EYS: variants seen among roughly 807,000 people sequenced by gnomAD.
The protein encoded by EYS is EGF-like photoreceptor maintenance factor, also known as protein eyes shut homolog.
In EYS, 250 loss-of-function variants were observed where a neutral mutation model predicts 282.1. The ratio of observed to expected loss-of-function variants is 0.89; its 90% confidence interval spans 0.80 to 0.98. The LOEUF is 0.98. Ranked by LOEUF, EYS falls within the 50% of genes least tolerant of loss-of-function variation. The probability of loss-of-function intolerance (pLI) is 0.00; values close to 1 mark genes in which losing one functional copy is unlikely to be tolerated. For missense variants in EYS, 4,016 were observed against 3,709.0 expected, an observed-to-expected ratio of 1.08 and a Z score of -2.15; for synonymous variants, 1,355 against 1,282.9, an observed-to-expected ratio of 1.06 and a Z score of -1.20.
chr6:65,122,921 A>G (rs16896316), intron 12 of EYS, among the ~76,000 whole-genome samples: 30,795 of 152,030 alleles, frequency 0.2, 3,405 homozygotes, highest in African/African-American at 0.26. Context: ...CCATTTATTC[A>G]GTAATATTTG....
At chr6:64,167,669 C>T (rs1322237154) in intron 31 of EYS, among the ~76,000 whole-genome samples, 1 of 151,862 alleles carries the variant, frequency 6.6e-6, no homozygotes, top group Non-Finnish European at 1.5e-5. Context: ...TATATATGCA[C>T]ATATATCTGC....
chr6:63,740,714 T>A (rs1652971740), intron 41 of EYS, among the ~76,000 whole-genome samples: 1 of 152,222 alleles, frequency 6.6e-6, no homozygotes, highest in Non-Finnish European at 1.5e-5. Flanking sequence ...CATAGATAGT[T>A]GATACTTTTA....
chr6:65,145,614 AT>A (rs1409061666), intron 12 of EYS, among the ~76,000 whole-genome samples: 12 of 152,016 alleles, frequency 7.9e-5, no homozygotes, highest in African/African-American at 2.4e-4. Context: ...TCAATACATA[AT>A]GGCAATGTCA....
At chr6:65,153,165 A>G (rs779090344) in intron 12 of EYS, among the ~76,000 whole-genome samples, 2 of 151,870 alleles carry the variant, frequency 1.3e-5, no homozygotes, top group Non-Finnish European at 2.9e-5. Context: ...AATGCAAGCT[A>G]CCATATTATA....
At chr6:65,666,866 A>G (rs181638797) in intron 1 of EYS, among the ~76,000 whole-genome samples, 30 of 150,996 alleles carry the variant, frequency 2.0e-4, no homozygotes, top group Admixed American at 9.2e-4. Context: ...TACTCTTGAA[A>G]AATACATAAA....
chr6:64,458,329 TATCTTTAGCATTTC>T (rs1407337659), intron 26 of EYS, among the ~76,000 whole-genome samples: 1 of 152,146 alleles, frequency 6.6e-6, no homozygotes, highest in Admixed American at 6.5e-5. Context: ...CTTGAAGAAC[TATCTTTAGCATTTC>T]ATCTAAAACA....
In EYS at chr6:65,240,151, G is replaced by A. The variant is rs190492303; in HGVS notation, c.2023+55712C>T. Among the ~76,000 whole-genome samples the A allele has an allele frequency of 2.6e-5, 4 of 152,046 alleles. No individual in the cohort carries two copies. The East Asian group carries it at 7.8e-4, about 29-fold the overall frequency. ...ACCCAGCTAATTTTTTGTATTTTTA[G>A]TAGAGACGGGGTTTCACCATGTTAG... On this transcript the variant is annotated intron_variant, in intron 12 of 42. Coordinates refer to ENST00000503581, the MANE Select transcript of EYS (RefSeq NM_001142800.2).
At chr6:65,475,826 A>G (rs1765384230) in intron 5 of EYS, among the ~76,000 whole-genome samples, 1 of 151,822 alleles carries the variant, frequency 6.6e-6, no homozygotes, top group African/African-American at 2.4e-5. Flanking sequence ...CACTTTTCCC[A>G]GCTTTCTCTT....
At chr6:65,326,212 C>A (rs1328848169) in intron 11 of EYS, among the ~76,000 whole-genome samples, 1 of 151,690 alleles carries the variant, frequency 6.6e-6, no homozygotes, top group Non-Finnish European at 1.5e-5. Context: ...CCTTTAATTG[C>A]TTCTCAATCT....
intron 40 of EYS, among the ~76,000 whole-genome samples, chr6:63,775,679 C>A (rs944928528): frequency 6.6e-6 from 1 of 151,986 alleles, no homozygotes; most frequent in African/African-American, 2.4e-5. Context: ...AAGTATATTA[C>A]AAAGCACAAT....
intron 2 of EYS, among the ~76,000 whole-genome samples, chr6:65,560,966 T>C (rs866092754): frequency 9.2e-5 from 14 of 152,098 alleles, no homozygotes; most frequent in African/African-American, 2.7e-4. Flanking sequence ...ATTGGTACTT[T>C]GTTATTTTTT....
intron 22 of EYS, among the ~76,000 whole-genome samples, chr6:64,788,917 GT>G (rs1307118577): frequency 1.3e-5 from 2 of 152,112 alleles, no homozygotes; most frequent in Non-Finnish European, 2.9e-5. Flanking sequence ...TGGTAAAGAT[GT>G]GTTTAATCTG....
chr6:64,890,828 G>T (rs1045520716), intron 18 of EYS, among the ~76,000 whole-genome samples: 1 of 152,016 alleles, frequency 6.6e-6, no homozygotes, highest in Non-Finnish European at 1.5e-5. Context: ...GTGAAGAATT[G>T]TTTTTAATAA....
intron 12 of EYS, among the ~76,000 whole-genome samples, chr6:65,184,235 G>A (rs1765462350): frequency 6.6e-6 from 1 of 151,832 alleles, no homozygotes; most frequent in East Asian, 1.9e-4. Flanking sequence ...AGTTCTGGAG[G>A]CTGGGAACTC....
chr6:64,170,053 G>C (rs1343584628), intron 31 of EYS, among the ~76,000 whole-genome samples: 1 of 152,090 alleles, frequency 6.6e-6, no homozygotes, highest in East Asian at 1.9e-4. Context: ...TGAGATTTTA[G>C]GTAGGCAATT....
rs139420178 is a variant in EYS, at chr6:64,425,794, G to C, written c.5927+10380C>G. Among the ~76,000 whole-genome samples the C allele has an allele frequency of 8.7e-3, 1,316 of 152,040 alleles. 27 individuals carry two copies. The highest frequency in any genetic ancestry group is 0.029 in the African/African-American group (1,206 of 41,490). On this transcript the variant is annotated intron_variant, in intron 28 of 42. Coordinates refer to ENST00000503581, the MANE Select transcript of EYS (RefSeq NM_001142800.2). ...TTGAATATAAAGAGCAAACTGATGA[G>C]TAAAAAATGACTTTCATTATATAGG...
intron 12 of EYS, among the ~76,000 whole-genome samples, chr6:65,130,256 T>C (rs1432323896): frequency 1.3e-5 from 2 of 151,916 alleles, no homozygotes; most frequent in African/African-American, 2.4e-5. Flanking sequence ...AACCTTAGCA[T>C]TATGCAATAT....
chr6:64,995,721 C>CG (rs916643583), intron 14 of EYS, among the ~76,000 whole-genome samples: 18 of 149,058 alleles, frequency 1.2e-4, no homozygotes, highest in Admixed American at 4.0e-4. Context: ...TGCTTCCCCC[C>CG]CGCCCCATAT....
intron 19 of EYS, among the ~76,000 whole-genome samples, chr6:64,850,235 C>A (rs9354167): frequency 0.15 from 23,233 of 152,016 alleles, 2,011 homozygotes; most frequent in East Asian, 0.43. Flanking sequence ...TGTATGTTAG[C>A]ACATTCTTTC....
Sources: allele counts gnomAD v4.1 joint callset (sites outside exome capture counted in the v4.1 genomes callset), GRCh38; gene constraint gnomAD v4.1.1; transcripts MANE v1.5; gene names NCBI Gene and HGNC (gene_info 2026-07-23, HGNC 2026-07-21).